Variants in ACSBG1 observed in about 807,000 individuals in gnomAD.
ACSBG1 encodes the protein long-chain-fatty-acid--CoA ligase ACSBG1.
ACSBG1 carries 39 observed loss-of-function variants against 80.2 expected under a neutral mutation model. That is an observed-to-expected ratio of 0.49 (90% confidence interval 0.38 to 0.64). ACSBG1 has a LOEUF of 0.64. Ranked by LOEUF, ACSBG1 falls within the 30% of genes least tolerant of loss-of-function variation. ACSBG1 has a pLI of 0.00. For missense variants in ACSBG1, 828 were observed against 966.4 expected (o/e 0.86, Z 1.90); for synonymous variants, 392 against 379.5 (o/e 1.03, Z -0.38).
chr15:78,226,814 T>TATATAATATATATAATATATATATGA lies in ACSBG1; in HGVS notation c.131+7556_131+7557insTCATATATATATTATATATATTATAT, dbSNP rs1303204986. 1.3e-3 allele frequency among the ~76,000 whole-genome samples: 58 copies of TATATAATATATATAATATATATATGA among 43,222 alleles called. 1 individual carries two copies. Among genetic ancestry groups the TATATAATATATATAATATATATATGA allele is most frequent in the African/African-American group, 3.3e-3 (55 of 16,778 alleles). 28.4% of individuals were successfully genotyped at this position (43,222 alleles called of 152,430 possible). On this transcript the variant is annotated intron_variant, in intron 1 of 13. Transcript: ENST00000258873. ...TATATATATATATAATATATATATA[T>TATATAATATATATAATATATATATGA]GACCTTGAAATAGCAAAGATTTCTT... is the stretch of plus-strand genomic sequence containing the variant.
chr15:78,183,061 C>A (rs552736050), intron 5 of ACSBG1, among the ~76,000 whole-genome samples: 43 of 152,284 alleles, frequency 2.8e-4, no homozygotes, highest in African/African-American at 9.4e-4. Flanking sequence ...AACCATGATC[C>A]AGCCACACAA....
chr15:78,180,188 G>A (rs533143834), intron 9 of ACSBG1, among the ~76,000 whole-genome samples: 4 of 152,324 alleles, frequency 2.6e-5, no homozygotes, highest in South Asian at 4.1e-4. Context: ...TTCATGTTTC[G>A]TGTCTGTGCA....
chr15:78,220,897 T>C (rs1430820609), intron 1 of ACSBG1, among the ~76,000 whole-genome samples: 1 of 152,236 alleles, frequency 6.6e-6, no homozygotes, highest in East Asian at 1.9e-4. Context: ...CATCTGGCAG[T>C]TCCTCAAAAG....
chr15:78,194,171 G>T, intron 3 of ACSBG1, 151 bp from the exon 4 acceptor site: 1 of 768,880 alleles, frequency 1.3e-6, no homozygotes. Context: ...AGGAGAAGGG[G>T]TTGGTCACTC....
intron 1 of ACSBG1, among the ~76,000 whole-genome samples, chr15:78,221,932 T>C (rs916426558): frequency 6.6e-6 from 1 of 152,200 alleles, no homozygotes; most frequent in Non-Finnish European, 1.5e-5. Flanking sequence ...ATTAACAGCA[T>C]CTCAAAGCAG....
intron 1 of ACSBG1, among the ~76,000 whole-genome samples, chr15:78,228,660 G>A (rs573238869): frequency 3.9e-5 from 6 of 152,320 alleles, no homozygotes; most frequent in Middle Eastern, 3.4e-3. Flanking sequence ...AGAGACTCAC[G>A]CTTTCCATGG....
At chr15:78,197,230 C>G (rs1430763373) in intron 2 of ACSBG1, among the ~76,000 whole-genome samples, 3 of 151,876 alleles carry the variant, frequency 2.0e-5, no homozygotes, top group Admixed American at 2.0e-4. Flanking sequence ...CGTGTTTGCC[C>G]CGGGCTGGAG....
chr15:78,224,519 G>A (rs555880492), intron 1 of ACSBG1, among the ~76,000 whole-genome samples: 9 of 151,970 alleles, frequency 5.9e-5, no homozygotes, highest in Admixed American at 3.9e-4. Context: ...GGAGATCGAG[G>A]CCACCCTGGC....
At chr15:78,189,530 G>A (rs532257958) in intron 5 of ACSBG1, among the ~76,000 whole-genome samples, 29 of 152,178 alleles carry the variant, frequency 1.9e-4, no homozygotes, top group African/African-American at 3.9e-4. Flanking sequence ...AGGGACATGG[G>A]TGAAATGGGA....
chr15:78,183,197 G>GTT (rs1424524203), intron 5 of ACSBG1, among the ~76,000 whole-genome samples: 2 of 152,204 alleles, frequency 1.3e-5, no homozygotes, highest in African/African-American at 4.8e-5. Flanking sequence ...AAAAAAGGAA[G>GTT]TTTACAATAT....
At chr15:78,179,856 A>G in intron 9 of ACSBG1, 76 bp from the exon 10 acceptor site, 1 of 1,131,298 alleles carries the variant, frequency 8.8e-7, no homozygotes, top group Non-Finnish European at 1.3e-6. Flanking sequence ...CACACATTAA[A>G]AGGGTGGTAT....
In ACSBG1 at chr15:78,174,514, G is replaced by A; in HGVS notation, c.1713C>T (p.Ile571=). 1 of 1,614,050 alleles carries A rather than the reference G, an allele frequency of 6.2e-7. No homozygotes were observed. Among genetic ancestry groups the A allele is most frequent in the South Asian group, 1.1e-5 (1 of 91,058 alleles). ...GGGGCACATTCTCCCCACCAGCTGT[G>A]ATGATTAATTCTGGGGAGGCAAGGC... The part of the protein sequence containing the change: ...YITGRLKELI[I]TAGGENVPPV... Residue 571 remains isoleucine, a synonymous_variant, in exon 12 of 14, where the codon ATC becomes ATT. Transcript: ENST00000258873.
Position 78,231,346 on chromosome 15 carries a change from G to C in ACSBG1, c.131+3025C>G, listed in dbSNP as rs2141396214. On this transcript the variant is annotated intron_variant, in intron 1 of 13. Coordinates refer to ENST00000258873, the MANE Select transcript of ACSBG1 (RefSeq NM_015162.5). Reference sequence around the variant, plus strand: ...GGGTTTCTCCATGTGGGTCAGGCTGGTCTCGAACTCCTGACCTCAGGTGAT... The same window carrying C: ...GGGTTTCTCCATGTGGGTCAGGCTGCTCTCGAACTCCTGACCTCAGGTGAT... Among the ~76,000 whole-genome samples the C allele has an allele frequency of 1.3e-5, 2 of 152,024 alleles. 1 individual carries two copies. The highest frequency in any genetic ancestry group is 4.2e-4 in the South Asian group (2 of 4,812).
At chr15:78,211,957 C>G (rs2075270441) in intron 1 of ACSBG1, among the ~76,000 whole-genome samples, 1 of 152,226 alleles carries the variant, frequency 6.6e-6, no homozygotes, top group African/African-American at 2.4e-5. Context: ...TGAGTACTTA[C>G]TGTTGGAGCT....
In ACSBG1 at chr15:78,206,944, T is replaced by C. The variant is rs28488351; in HGVS notation, c.232+1058A>G. On this transcript the variant is annotated intron_variant, in intron 2 of 13. Coordinates refer to ENST00000258873, the MANE Select transcript of ACSBG1 (RefSeq NM_015162.5). Reference sequence around the variant, plus strand: ...GCCATCACTCATACTCAGGACTTGCTGAGCTCCACGGTTTTGCTGTGGCCC... The same window carrying C: ...GCCATCACTCATACTCAGGACTTGCCGAGCTCCACGGTTTTGCTGTGGCCC... Among the ~76,000 whole-genome samples the C allele has an allele frequency of 1.3e-3, 199 of 152,324 alleles. 1 individual carries two copies. The highest frequency in any genetic ancestry group is 4.7e-3 in the African/African-American group (195 of 41,576).
intron 1 of ACSBG1, among the ~76,000 whole-genome samples, chr15:78,212,131 C>G (rs1471750614): frequency 1.3e-5 from 2 of 152,172 alleles, no homozygotes; most frequent in African/African-American, 4.8e-5. Context: ...AGCAGCCAGG[C>G]CACTGTTGTG....
chr15:78,187,603 G>A (rs2141339364), intron 5 of ACSBG1, among the ~76,000 whole-genome samples: 1 of 152,218 alleles, frequency 6.6e-6, no homozygotes, highest in Non-Finnish European at 1.5e-5. Flanking sequence ...ATGCAGAAAA[G>A]GCCTTTGACA....
In ACSBG1 at chr15:78,234,428, G is replaced by A. The variant is rs1006861570; in HGVS notation, c.74C>T (p.Pro25Leu). 2 of 1,613,066 alleles carry A rather than the reference G, an allele frequency of 1.2e-6. No homozygotes were observed. Among genetic ancestry groups the A allele is most frequent in the Admixed American group, 3.3e-5 (2 of 60,036 alleles). ...DPSMLDSRET[P>L]QESRQDMIVR... Reference sequence around the variant, plus strand: ...AATCATGTCCTGCCGGCTCTCCTGTGGGGTCTCTCTGCTGTCCAGCATGCT... The same window carrying A: ...AATCATGTCCTGCCGGCTCTCCTGTAGGGTCTCTCTGCTGTCCAGCATGCT... Residue 25 changes from proline to leucine, a missense_variant, in exon 1 of 14, where the codon CCA (proline) becomes CTA (leucine). Transcript: ENST00000258873.
chr15:78,208,155 C>A, intron 1 of ACSBG1, 53 bp from the exon 2 acceptor site: 2 of 1,467,870 alleles, frequency 1.4e-6, no homozygotes, highest in South Asian at 2.4e-5. Context: ...GGGGGACCGG[C>A]CTGGGCTTAG....
Sources: gnomAD v4.1 joint callset for allele counts (sites outside exome capture counted in the v4.1 genomes callset) on GRCh38, gnomAD v4.1.1 for gene constraint, MANE v1.5 for transcripts, NCBI Gene and HGNC (gene_info 2026-07-23, HGNC 2026-07-21) for gene names.